The following ANKFN1 variants were observed in gnomAD, a reference collection of about 807,000 sequenced individuals.
ANKFN1 encodes ankyrin repeat and fibronectin type-III domain-containing protein 1.
In ANKFN1, 74 loss-of-function variants were observed where a neutral mutation model predicts 108.7. That is an observed-to-expected ratio of 0.68 (90% confidence interval 0.56 to 0.83). The LOEUF (loss-of-function observed/expected upper bound fraction) is 0.83, where lower values mean the gene tolerates loss of function less well. Among genes scored for constraint, ANKFN1 ranks in the 40% least tolerant of loss-of-function variants. The probability of loss-of-function intolerance (pLI) is 0.00; values close to 1 mark genes in which losing one functional copy is unlikely to be tolerated. For synonymous variants in ANKFN1, 547 were observed against 516.2 expected, an observed-to-expected ratio of 1.06 and a Z score of -0.81; for missense variants, 1,505 against 1,382.3, an observed-to-expected ratio of 1.09 and a Z score of -1.41.
intron 3 of ANKFN1, among the ~76,000 whole-genome samples, chr17:56,232,862 A>G (rs1052018426): frequency 3.3e-5 from 5 of 152,136 alleles, no homozygotes; most frequent in African/African-American, 1.2e-4. Context: ...TAAATACTTA[A>G]AATACATTAT....
At chr17:56,467,793 A>AAGG (rs56327852) in intron 15 of ANKFN1, among the ~76,000 whole-genome samples, 2 of 20,632 alleles carry the variant, frequency 9.7e-5, no homozygotes, top group African/African-American at 3.3e-4. Context: ...GAAAGAAAGA[A>AAGG]GAAAGAAAGA....
intron 1 of ANKFN1, among the ~76,000 whole-genome samples, chr17:56,171,439 G>A (rs761670068): frequency 6.6e-6 from 1 of 152,096 alleles, no homozygotes; most frequent in Non-Finnish European, 1.5e-5. Flanking sequence ...GCAAACCAAC[G>A]GTCTACAGCA....
chr17:56,104,919 T>C (rs1905715507), intron 4 of ANKFN1, among the ~76,000 whole-genome samples: 1 of 152,174 alleles, frequency 6.6e-6, no homozygotes, highest in Non-Finnish European at 1.5e-5. Flanking sequence ...AAAGCCTCCT[T>C]CAGCCAGGGG....
chr17:56,354,061 A>G lies in ANKFN1; in HGVS notation c.601+15A>G, dbSNP rs1567938498. 1 of 1,611,692 alleles carries G rather than the reference A, an allele frequency of 6.2e-7. No homozygotes were observed. The highest frequency in any genetic ancestry group is 1.3e-5 in the African/African-American group (1 of 74,878). Reference sequence around the variant, plus strand: ...AAGTCCACACTGTAAGTAACCTGAGAATAAACACATGTACTATTAAAGCCA... The same window carrying G: ...AAGTCCACACTGTAAGTAACCTGAGGATAAACACATGTACTATTAAAGCCA... On this transcript the variant is annotated intron_variant, in intron 6 of 20. Transcript: ENST00000682825.
chr17:56,455,908 A>G (rs182198203), intron 11 of ANKFN1, among the ~76,000 whole-genome samples: 1 of 152,284 alleles, frequency 6.6e-6, no homozygotes, highest in Admixed American at 6.5e-5. Context: ...TCTCAGCCTC[A>G]GTTTCTTCTT....
At chr17:56,496,271 C>T (rs770426670) in intron 19 of ANKFN1, among the ~76,000 whole-genome samples, 80 of 152,156 alleles carry the variant, frequency 5.3e-4, no homozygotes, top group African/African-American at 1.3e-3. Flanking sequence ...AAAATTTCTA[C>T]GCTAAATCCC....
chr17:56,509,723 G>A (rs542687154), intron 20 of ANKFN1, among the ~76,000 whole-genome samples: 5 of 152,296 alleles, frequency 3.3e-5, no homozygotes, highest in East Asian at 1.9e-4. Context: ...GAGCAAGTAC[G>A]CACATCATCT....
At chr17:56,266,902 GTTT>G (rs1201620502) in intron 3 of ANKFN1, among the ~76,000 whole-genome samples, 109 of 151,490 alleles carry the variant, frequency 7.2e-4, no homozygotes, top group African/African-American at 2.6e-3. Flanking sequence ...TTTTGTTTTT[GTTT>G]TAATTTAGGA....
chr17:56,060,259 G>A (rs1443306403), intron 4 of ANKFN1, among the ~76,000 whole-genome samples: 1 of 152,168 alleles, frequency 6.6e-6, no homozygotes, highest in East Asian at 1.9e-4. Context: ...AGGAACACTT[G>A]TGATTTTTGC....
chr17:56,435,718 G>T (rs925972287), intron 8 of ANKFN1, among the ~76,000 whole-genome samples: 3 of 151,120 alleles, frequency 2.0e-5, no homozygotes, highest in Non-Finnish European at 2.9e-5. Context: ...ATTTTAGGGA[G>T]AATCTGCACA....
chr17:56,129,284 G>C (rs1907129048), intron 4 of ANKFN1, among the ~76,000 whole-genome samples: 1 of 152,010 alleles, frequency 6.6e-6, no homozygotes, highest in Non-Finnish European at 1.5e-5. Context: ...ATTCAGCCCA[G>C]TCCACTCTTC....
chr17:56,424,409 T>C (rs1388678086), intron 8 of ANKFN1, among the ~76,000 whole-genome samples: 14 of 152,230 alleles, frequency 9.2e-5, no homozygotes, highest in Admixed American at 9.2e-4. Context: ...TCACAGTGTG[T>C]GCTCTCAGTC....
chr17:56,441,446 C>T (rs985559585), intron 9 of ANKFN1, among the ~76,000 whole-genome samples: 3 of 152,020 alleles, frequency 2.0e-5, no homozygotes, highest in East Asian at 1.9e-4. Flanking sequence ...GGAATCCTGA[C>T]GTTTAGTCCT....
At chr17:56,296,259 C>T (rs2044506622) in intron 3 of ANKFN1, among the ~76,000 whole-genome samples, 1 of 152,020 alleles carries the variant, frequency 6.6e-6, no homozygotes, top group Admixed American at 6.6e-5. Context: ...CTAATTTAAA[C>T]TAGATTATTA....
chr17:56,464,028 T>C (rs903476869), intron 14 of ANKFN1: 4 of 152,222 alleles, frequency 2.6e-5, no homozygotes, highest in African/African-American at 9.6e-5. Context: ...CTAACCTTGA[T>C]TATGACAGGT....
intron 3 of ANKFN1, among the ~76,000 whole-genome samples, chr17:56,241,345 T>C (rs189143599): frequency 1.3e-5 from 2 of 151,438 alleles, no homozygotes; most frequent in East Asian, 3.9e-4. Flanking sequence ...AAGTAGGGGG[T>C]CTAACTTTAT....
intron 3 of ANKFN1, among the ~76,000 whole-genome samples, chr17:56,311,205 A>G (rs1047056318): frequency 6.6e-6 from 1 of 151,716 alleles, no homozygotes; most frequent in Non-Finnish European, 1.5e-5. Context: ...TCTTTTATCC[A>G]TTACTCACTG....
At chr17:56,189,676 A>AAAGTTTAT (rs1213113910) in intron 1 of ANKFN1, among the ~76,000 whole-genome samples, 2 of 152,080 alleles carry the variant, frequency 1.3e-5, no homozygotes. Flanking sequence ...CTCCAAAAAC[A>AAAGTTTAT]CTATCTGCAA....
At chr17:56,100,091 A>G (rs1418847284) in intron 4 of ANKFN1, among the ~76,000 whole-genome samples, 4 of 152,246 alleles carry the variant, frequency 2.6e-5, no homozygotes, top group Non-Finnish European at 5.9e-5. Flanking sequence ...AGGCACTAAT[A>G]ATTTGATCAA....
Sources: gnomAD v4.1 joint callset for allele counts (sites outside exome capture counted in the v4.1 genomes callset) on GRCh38, gnomAD v4.1.1 for gene constraint, MANE v1.5 for transcripts, NCBI Gene and HGNC (gene_info 2026-07-23, HGNC 2026-07-21) for gene names.